GNAT3: variants seen among roughly 807,000 people sequenced by gnomAD.
The protein encoded by GNAT3 is guanine nucleotide-binding protein G(t) subunit alpha-3.
Under a neutral mutation model 37.7 loss-of-function variants are expected in GNAT3, and 31 were observed. The ratio of observed to expected loss-of-function variants is 0.82; its 90% CI spans 0.62 to 1.11. GNAT3 has a LOEUF of 1.11. Among genes scored for constraint, GNAT3 ranks in the 50% most tolerant of loss-of-function variants. The pLI, the probability that GNAT3 is intolerant of heterozygous loss-of-function variation, is 0.00. For missense variants in GNAT3, 437 were observed against 412.5 expected (o/e 1.06, Z -0.51); for synonymous variants, 138 against 139.8 (o/e 0.99, Z 0.09).
intron 5 of GNAT3, among the ~76,000 whole-genome samples, chr7:80,465,689 A>G (rs1225765559): frequency 2.0e-5 from 3 of 152,112 alleles, no homozygotes; most frequent in African/African-American, 7.2e-5. Context: ...AATTATCTTC[A>G]CTGTGGAGTC....
chr7:80,465,273 A>G (rs1790112829), intron 5 of GNAT3, among the ~76,000 whole-genome samples: 2 of 152,158 alleles, frequency 1.3e-5, no homozygotes, highest in African/African-American at 4.8e-5. Context: ...TGTGGTGGAA[A>G]TAGAAATAGT....
intron 1 of GNAT3, among the ~76,000 whole-genome samples, chr7:80,508,232 T>C (rs10276559): frequency 0.11 from 16,003 of 151,628 alleles, 905 homozygotes; most frequent in African/African-American, 0.14. Context: ...ATGCTTTCCA[T>C]GGGGCTTCAA....
At chr7:80,482,642 T>C (rs1203618298) in intron 3 of GNAT3, among the ~76,000 whole-genome samples, 5 of 151,318 alleles carry the variant, frequency 3.3e-5, no homozygotes, top group Non-Finnish European at 7.4e-5. Context: ...GCCTCCCAAG[T>C]AGCTGAGACT....
chr7:80,488,314 G>A (rs906242691), intron 3 of GNAT3, among the ~76,000 whole-genome samples: 1 of 151,628 alleles, frequency 6.6e-6, no homozygotes, highest in Non-Finnish European at 1.5e-5. Flanking sequence ...TTAATCCTCA[G>A]GAAAACAACT....
chr7:80,467,249 A>G (rs570824170), intron 5 of GNAT3, among the ~76,000 whole-genome samples: 24 of 152,264 alleles, frequency 1.6e-4, no homozygotes, highest in African/African-American at 5.8e-4. Context: ...TCATATAGAT[A>G]AAATGGATTC....
chr7:80,471,389 A>G (rs1467829132), intron 5 of GNAT3, among the ~76,000 whole-genome samples: 1 of 151,766 alleles, frequency 6.6e-6, no homozygotes. Context: ...AGTATTAACC[A>G]CCACATACTC....
intron 2 of GNAT3, among the ~76,000 whole-genome samples, chr7:80,493,739 TCTTTCCTCCTCCA>T (rs1283878786): frequency 1.3e-3 from 89 of 69,904 alleles, no homozygotes; most frequent in African/African-American, 3.5e-3. Flanking sequence ...CTCCTCCTCC[TCTTTCCTCCTCCA>T]CCTCTTTCCT....
chr7:80,511,778 G>T, intron 1 of GNAT3, 31 bp downstream of exon 1: 1 of 1,437,422 alleles, frequency 7.0e-7, no homozygotes, highest in Non-Finnish European at 9.7e-7. Context: ...AAAAAGTCAG[G>T]TTTTTGAAAG....
chr7:80,484,937 C>T (rs1280147849), intron 3 of GNAT3, among the ~76,000 whole-genome samples: 1 of 152,032 alleles, frequency 6.6e-6, no homozygotes, highest in Non-Finnish European at 1.5e-5. Flanking sequence ...TAGGAGTCCA[C>T]CATTCTTCTG....
chr7:80,488,861 C>G (rs1435261499), intron 2 of GNAT3, among the ~76,000 whole-genome samples, 185 bp from the exon 3 acceptor site: 1 of 152,062 alleles, frequency 6.6e-6, no homozygotes, highest in Non-Finnish European at 1.5e-5. Flanking sequence ...GTCATTTATA[C>G]AGTATTTTCT....
chr7:80,511,398 G>A (rs182810792), intron 1 of GNAT3, among the ~76,000 whole-genome samples: 66 of 152,038 alleles, frequency 4.3e-4, no homozygotes, highest in African/African-American at 1.0e-3. Flanking sequence ...TAACTTCAAC[G>A]TCAAACAATT....
At chr7:80,511,211 G>T (rs1791059076) in intron 1 of GNAT3, among the ~76,000 whole-genome samples, 1 of 152,054 alleles carries the variant, frequency 6.6e-6, no homozygotes, top group African/African-American at 2.4e-5. Flanking sequence ...ATCCTGACCT[G>T]AATGAATATA....
chr7:80,462,530 T>C lies in GNAT3; in HGVS notation c.692A>G (p.Asp231Gly). 4.3e-6 allele frequency: 7 copies of C among 1,613,758 alleles called. No homozygotes were observed. The highest frequency in any genetic ancestry group is 5.9e-6 in the Non-Finnish European group (7 of 1,179,776). ...IIFCAALSAY[D>G]MVLVEDEEVN... ...TTCTTCGTCTTCCACGAGGACCATG[T>C]CATAGGCACTAAGTGCAGCACAAAA... Residue 231 changes from aspartate (D) to glycine (G), a missense_variant, in exon 6 of 8, where the codon GAC becomes GGC. Physicochemically the swap from Asp to Gly is moderately conservative, Grantham distance 94 (BLOSUM62 -1). Transcript: ENST00000398291.
chr7:80,473,003 C>T (rs778900214), intron 5 of GNAT3, among the ~76,000 whole-genome samples: 3 of 151,988 alleles, frequency 2.0e-5, no homozygotes, highest in Admixed American at 1.3e-4. Context: ...TTTTCACTGG[C>T]GTGGGAGGGG....
At chr7:80,497,975 T>C (rs892900571) in intron 1 of GNAT3, among the ~76,000 whole-genome samples, 5 of 152,166 alleles carry the variant, frequency 3.3e-5, no homozygotes, top group African/African-American at 1.2e-4. Context: ...AATGATTTTC[T>C]AGAATTGTAT....
chr7:80,504,104 C>A (rs1020796923), intron 1 of GNAT3, among the ~76,000 whole-genome samples: 1 of 152,058 alleles, frequency 6.6e-6, no homozygotes, highest in Admixed American at 6.5e-5. Flanking sequence ...TCGCTTGAGC[C>A]CAGAAGTTTG....
chr7:80,480,103 T>A (rs1211346371), intron 3 of GNAT3, among the ~76,000 whole-genome samples: 1 of 152,178 alleles, frequency 6.6e-6, no homozygotes, highest in Non-Finnish European at 1.5e-5. Flanking sequence ...TTTTAAAAAA[T>A]TAAGATGTTG....
chr7:80,501,387 C>T (rs1790831933), intron 1 of GNAT3, among the ~76,000 whole-genome samples: 1 of 151,948 alleles, frequency 6.6e-6, no homozygotes, highest in Admixed American at 6.6e-5. Flanking sequence ...CTTTATTAGA[C>T]ATTTTACCCA....
At chr7:80,506,674 C>T (rs1247064850) in intron 1 of GNAT3, among the ~76,000 whole-genome samples, 1 of 152,142 alleles carries the variant, frequency 6.6e-6, no homozygotes, top group Non-Finnish European at 1.5e-5. Context: ...CAGTTTTAAA[C>T]ATTCGCATTA....
Sources: allele counts gnomAD v4.1 joint callset (sites outside exome capture counted in the v4.1 genomes callset), GRCh38; gene constraint gnomAD v4.1.1; transcripts MANE v1.5; gene names NCBI Gene and HGNC (gene_info 2026-07-23, HGNC 2026-07-21).